Variants in CELF2 observed in about 807,000 individuals in gnomAD.
CELF2 encodes the protein CUGBP Elav-like family member 2.
In CELF2, 8 loss-of-function variants were observed where a neutral mutation model predicts 62.6. The observed-to-expected ratio is 0.13, with a 90% CI of 0.07 to 0.23. The LOEUF is 0.23. Ranked by LOEUF, CELF2 falls within the 10% of genes least tolerant of loss-of-function variation. The pLI, the probability that CELF2 is intolerant of heterozygous loss-of-function variation, is 1.00. For synonymous variants in CELF2, 258 were observed against 250.0 expected, an observed-to-expected ratio of 1.03 and a Z score of -0.30; for missense variants, 333 against 671.0, an observed-to-expected ratio of 0.50 and a Z score of 5.56.
chr10:10,669,216 T>C, the CELF2 span, among the ~76,000 whole-genome samples: 2 of 152,356 alleles, frequency 1.3e-5, no homozygotes, highest in African/African-American at 4.8e-5. Context: ...TCCATTTCTA[T>C]GCCTACAAAA....
intron 1 of CELF2, among the ~76,000 whole-genome samples, chr10:10,860,989 T>A (rs944903723): frequency 6.6e-6 from 1 of 152,168 alleles, no homozygotes; most frequent in Admixed American, 6.6e-5. Context: ...TGGCTCATCA[T>A]TGCACACTAC....
At chr10:10,906,131 G>T (rs943891803) in intron 1 of CELF2, among the ~76,000 whole-genome samples, 3 of 150,062 alleles carry the variant, frequency 2.0e-5, no homozygotes, top group Non-Finnish European at 4.4e-5. Flanking sequence ...AAGATGATCT[G>T]TCCCAACTCC....
chr10:11,275,164 A>T, intron 8 of CELF2, 44 bp downstream of exon 8: 1 of 1,599,250 alleles, frequency 6.3e-7, no homozygotes, highest in African/African-American at 1.3e-5. Flanking sequence ...TGCTATTGTC[A>T]GAATTTGGGG....
intron 1 of CELF2, among the ~76,000 whole-genome samples, chr10:11,124,275 A>G (rs1475818798): frequency 6.6e-6 from 1 of 152,162 alleles, no homozygotes. Context: ...ATGTGTGTAT[A>G]CATACATACC....
rs181540809 is a variant in CELF2, at chr10:11,285,818, T to C, written c.842-2600T>C. Among the ~76,000 whole-genome samples, 5 of 148,566 alleles carry C rather than the reference T, an allele frequency of 3.4e-5. 1 individual carries two copies. In the East Asian group the frequency reaches 1.0e-3, roughly 30 times the overall value. On this transcript the variant is annotated intron_variant, in intron 8 of 12. Transcript: ENST00000633077. The surrounding 1 kb of genome is among the most constrained non-coding windows in gnomAD (Gnocchi z 4.3). Reference sequence around the variant, plus strand: ...ACATAGATTTGCTCATCACCTACTATATATATTGGTGTGTGTGTGTGTGTG... The same window carrying C: ...ACATAGATTTGCTCATCACCTACTACATATATTGGTGTGTGTGTGTGTGTG...
the CELF2 span, among the ~76,000 whole-genome samples, chr10:10,552,556 T>G: frequency 6.6e-6 from 1 of 152,158 alleles, no homozygotes; most frequent in Non-Finnish European, 1.5e-5. Flanking sequence ...GCTAAATGTT[T>G]CCAGCCATGA....
At chr10:10,656,035 A>C in the CELF2 span, among the ~76,000 whole-genome samples, 21 of 150,638 alleles carry the variant, frequency 1.4e-4, no homozygotes, top group Middle Eastern at 3.4e-3. Context: ...AGAAAAAAAA[A>C]CAACCCCATC....
At chr10:11,099,886 A>AC (rs762532391) in intron 1 of CELF2, among the ~76,000 whole-genome samples, 12,281 of 87,776 alleles carry the variant, frequency 0.14, 534 homozygotes, top group Middle Eastern at 0.25. Context: ...AACAACAACA[A>AC]AAAAAAAAAA....
chr10:11,280,002 C>T lies in CELF2; in HGVS notation c.841+4882C>T, dbSNP rs980400559. 2.0e-5 allele frequency among the ~76,000 whole-genome samples: 3 copies of T among 152,150 alleles called. No individual in the cohort carries two copies. Among genetic ancestry groups the T allele is most frequent in the African/African-American group, 4.8e-5 (2 of 41,440 alleles). On this transcript the variant is annotated intron_variant, in intron 8 of 12. Transcript: ENST00000633077. The surrounding 1 kb of genome is among the most constrained non-coding windows in gnomAD (Gnocchi z 7.6). ...GCAGAGTGCTTCATGAAGTCAAATG[C>T]AGTTTTTCTTCTCGGAAAGGAACCG...
chr10:10,792,491 A>C, the CELF2 span: 1 of 398,066 alleles, frequency 2.5e-6, no homozygotes, highest in Non-Finnish European at 4.4e-6. Flanking sequence ...TTCCTTGAAA[A>C]CTCAGATTTC....
chr10:10,829,050 G>T (rs2057637557), intron 1 of CELF2, among the ~76,000 whole-genome samples: 1 of 152,224 alleles, frequency 6.6e-6, no homozygotes, highest in Admixed American at 6.5e-5. Flanking sequence ...ATGTAATATA[G>T]ATTTATAAGT....
At chr10:11,174,004 A>G (rs1451671315) in intron 2 of CELF2, among the ~76,000 whole-genome samples, 1 of 152,192 alleles carries the variant, frequency 6.6e-6, no homozygotes. Flanking sequence ...ATACTGAGAA[A>G]TTCCGTGGGG....
chr10:10,724,085 C>T, the CELF2 span, among the ~76,000 whole-genome samples: 3 of 152,166 alleles, frequency 2.0e-5, no homozygotes, highest in African/African-American at 7.2e-5. Flanking sequence ...AAGAGAGGCC[C>T]TGCTCTTGAA....
the CELF2 span, among the ~76,000 whole-genome samples, chr10:10,623,605 G>A: frequency 6.6e-6 from 1 of 152,080 alleles, no homozygotes; most frequent in South Asian, 2.1e-4. Flanking sequence ...CAGTACTTAG[G>A]GGAAAGGATC....
the CELF2 span, among the ~76,000 whole-genome samples, chr10:10,545,067 G>A: frequency 6.6e-6 from 1 of 152,240 alleles, no homozygotes; most frequent in South Asian, 2.1e-4. Context: ...TGATACACGC[G>A]TAGGACTGAG....
chr10:10,939,071 C>T lies in CELF2; in HGVS notation c.89+19072C>T, dbSNP rs564297842. ...CATATAGGCAGGGCCCTGACAGTCTCCACCTTATCAGTGTGGCCGCTATTG... is the reference window on the plus strand; with the variant it reads ...CATATAGGCAGGGCCCTGACAGTCTTCACCTTATCAGTGTGGCCGCTATTG... On this transcript the variant is annotated intron_variant, in intron 2 of 13. Transcript: ENST00000636488. 1.6e-4 allele frequency among the ~76,000 whole-genome samples: 25 copies of T among 152,110 alleles called. No homozygotes were observed. In the South Asian group the frequency reaches 5.0e-3, roughly 30 times the overall value.
intron 2 of CELF2, among the ~76,000 whole-genome samples, chr10:10,982,007 G>A (rs1408412105): frequency 1.4e-5 from 2 of 146,384 alleles, no homozygotes; most frequent in African/African-American, 5.1e-5. Flanking sequence ...CCAGGCTGGA[G>A]TGCAATGGCA....
rs1267491567 is a variant in CELF2 at position 10,931,497 on chromosome 10, AC to A, written c.89+11501del. On this transcript the variant is annotated intron_variant, in intron 2 of 13. Coordinates refer to the CELF2 transcript ENST00000636488. This position sits in a 1 kb window ranked among gnomAD's most constrained non-coding sequence, Gnocchi z 6.1. ...TACCACCACAGTTATAGCATTTGAG[AC>A]CCTCCCTCACCCAGATCCCAACCTG... Among the ~76,000 whole-genome samples, 1 of 151,822 alleles carries A rather than the reference AC, an allele frequency of 6.6e-6. No homozygotes were observed. The highest frequency in any genetic ancestry group is 1.9e-4 in the East Asian group (1 of 5,182).
Position 11,316,683 on chromosome 10 carries a change from C to G in CELF2, c.1096+2425C>G, listed in dbSNP as rs1704550924. On this transcript the variant is annotated intron_variant, in intron 10 of 12. Transcript: ENST00000633077. This position sits in a 1 kb window ranked among gnomAD's most constrained non-coding sequence, Gnocchi z 4.4. ...AGTATTCAGGTTTTCTGAATAGAGC[C>G]AACTCTTACCCACCGACACAGCGGT... 1.3e-5 allele frequency among the ~76,000 whole-genome samples: 2 copies of G among 152,068 alleles called. No individual in the cohort carries two copies. Among genetic ancestry groups the G allele is most frequent in the South Asian group, 4.2e-4 (2 of 4,804 alleles).
Sources: allele counts gnomAD v4.1 joint callset (sites outside exome capture counted in the v4.1 genomes callset), GRCh38; gene constraint gnomAD v4.1.1; non-coding constraint Gnocchi (gnomAD v3.1); transcripts MANE v1.5; gene names NCBI Gene and HGNC (gene_info 2026-07-23, HGNC 2026-07-21).